RASGEF1A: variants seen among roughly 807,000 people sequenced by gnomAD.
RASGEF1A encodes ras-GEF domain-containing family member 1A.
In RASGEF1A, 18 loss-of-function variants were observed where a neutral mutation model predicts 56.4. That is an observed-to-expected ratio of 0.32 (90% CI 0.22 to 0.47). RASGEF1A has a LOEUF of 0.47. Among genes scored for constraint, RASGEF1A ranks in the 20% least tolerant of loss-of-function variants. The pLI is 1.00. For missense variants in RASGEF1A, 422 were observed against 627.1 expected, an observed-to-expected ratio of 0.67 and a Z score of 3.49; for synonymous variants, 245 against 242.6, an observed-to-expected ratio of 1.01 and a Z score of -0.09.
chr10:43,261,351 C>T (rs931663277), intron 1 of RASGEF1A, among the ~76,000 whole-genome samples: 2 of 152,172 alleles, frequency 1.3e-5, no homozygotes, highest in Non-Finnish European at 2.9e-5. Context: ...GGAAGGGGCA[C>T]GGGGCATAGA....
chr10:43,201,923 G>A lies in RASGEF1A; in HGVS notation c.344C>T (p.Ala115Val), dbSNP rs1021380293. 2 of 1,609,422 alleles carry A rather than the reference G, an allele frequency of 1.2e-6. No homozygotes were observed. Among genetic ancestry groups the A allele is most frequent in the Admixed American group, 3.3e-5 (2 of 59,738 alleles). Reference protein sequence around the residue: ...PEKAKLKSFSAKIVQLLKEWT... With the variant: ...PEKAKLKSFSVKIVQLLKEWT... ...CTCCTTCAGGAGCTGCACGATCTTG[G>A]CTGAGAAAGACTTCAGCTTGGCCTG... Residue 115 changes from alanine to valine, a missense_variant, in exon 4 of 13, where the codon GCC (alanine) becomes GTC (valine). Transcript: ENST00000395810.
intron 1 of RASGEF1A, among the ~76,000 whole-genome samples, chr10:43,225,576 G>GGTGTGTGTGT (rs139307816): frequency 5.5e-5 from 8 of 146,086 alleles, no homozygotes; most frequent in South Asian, 2.2e-4. Context: ...TCTGTGTATG[G>GGTGTGTGTGT]GTGTGTGTGT....
chr10:43,235,308 C>G (rs755779458), intron 1 of RASGEF1A, among the ~76,000 whole-genome samples: 121 of 152,364 alleles, frequency 7.9e-4, no homozygotes, highest in Non-Finnish European at 9.7e-4. Flanking sequence ...GAGTCAGAGC[C>G]TCCACATCTT....
At chr10:43,237,407 C>T (rs1840443746) in intron 1 of RASGEF1A, among the ~76,000 whole-genome samples, 1 of 151,506 alleles carries the variant, frequency 6.6e-6, no homozygotes, top group Admixed American at 6.6e-5. Flanking sequence ...GATCCCTGAC[C>T]CCACTGTTGT....
intron 1 of RASGEF1A, among the ~76,000 whole-genome samples, chr10:43,242,435 C>T (rs969635469): frequency 2.6e-5 from 4 of 152,158 alleles, no homozygotes; most frequent in African/African-American, 9.7e-5. Context: ...AATTCAATAG[C>T]CCCACTTTCA....
Position 43,200,174 on chromosome 10 carries a change from C to T in RASGEF1A, c.756+8G>A. The T allele has an allele frequency of 1.3e-6, 2 of 1,590,272 alleles. No homozygotes were observed. The highest frequency in any genetic ancestry group is 1.7e-5 in the Admixed American group (1 of 57,590). On this transcript the variant is annotated splice_region_variant and intron_variant, in intron 6 of 12. Transcript: ENST00000395810. ...TGGCAGGGGTGCCACAGGCCTTGGC[C>T]CACTTACCCTGTGGTTGTCCAAGGA...
intron 1 of RASGEF1A, chr10:43,206,905 G>A: frequency 1.0e-6 from 1 of 985,654 alleles, no homozygotes; most frequent in Non-Finnish European, 1.2e-6. Context: ...TGTCTGAGCA[G>A]CTGGGCCTCC....
chr10:43,200,614 G>T, intron 5 of RASGEF1A, 53 bp downstream of exon 5: 1 of 1,501,754 alleles, frequency 6.7e-7, no homozygotes, highest in Non-Finnish European at 9.2e-7. Flanking sequence ...GCTGAAAGAG[G>T]CACTGTGGTC....
At chr10:43,236,625 G>A (rs948320108) in intron 1 of RASGEF1A, among the ~76,000 whole-genome samples, 1 of 152,208 alleles carries the variant, frequency 6.6e-6, no homozygotes, top group Non-Finnish European at 1.5e-5. Flanking sequence ...CTTATCAAGT[G>A]CTTCCCAAGT....
intron 1 of RASGEF1A, among the ~76,000 whole-genome samples, chr10:43,258,870 G>A (rs1836476049): frequency 6.6e-6 from 1 of 152,242 alleles, no homozygotes; most frequent in Non-Finnish European, 1.5e-5. Flanking sequence ...TGACCACCAG[G>A]CCCGGGAAGG....
intron 1 of RASGEF1A, among the ~76,000 whole-genome samples, chr10:43,232,793 C>T (rs1211336136): frequency 6.6e-6 from 1 of 152,132 alleles, no homozygotes; most frequent in East Asian, 1.9e-4. Context: ...GGCCAAGGCC[C>T]TTCTTTATAG....
At chr10:43,208,955 T>C in intron 1 of RASGEF1A, 1 of 985,496 alleles carries the variant, frequency 1.0e-6, no homozygotes, top group Non-Finnish European at 1.2e-6. Flanking sequence ...GAAATGGTGA[T>C]GATGACAGCA....
intron 1 of RASGEF1A, among the ~76,000 whole-genome samples, chr10:43,244,053 C>T (rs1226697450): frequency 6.6e-6 from 1 of 152,264 alleles, no homozygotes; most frequent in Non-Finnish European, 1.5e-5. Flanking sequence ...AAAAGTTCTT[C>T]TGCCTTGGGA....
At chr10:43,225,576 G>GATGGGTGTGT (rs1554827209) in intron 1 of RASGEF1A, among the ~76,000 whole-genome samples, 2,040 of 146,162 alleles carry the variant, frequency 0.014, 42 homozygotes, top group African/African-American at 0.048. Context: ...TCTGTGTATG[G>GATGGGTGTGT]GTGTGTGTGT....
At chr10:43,228,026 A>G (rs1385231958) in intron 1 of RASGEF1A, among the ~76,000 whole-genome samples, 1 of 152,038 alleles carries the variant, frequency 6.6e-6, no homozygotes, top group African/African-American at 2.4e-5. Context: ...AGCAGCCAGC[A>G]ATGCCATGGC....
chr10:43,196,992 G>A lies in RASGEF1A; in HGVS notation c.1332C>T (p.Pro444=). 1 of 1,613,652 alleles carries A rather than the reference G, an allele frequency of 6.2e-7. No individual in the cohort carries two copies. Among genetic ancestry groups the A allele is most frequent in the Non-Finnish European group, 8.5e-7 (1 of 1,180,002 alleles). ...KKIQSYLLTA[P]IYSEEALFVA... ...AGCCCTCACCTTCCTCGCTGTAGAT[G>A]GGCGCCGTGAGCAGGTAACTCTGAA... Residue 444 remains proline (P), a synonymous_variant, in exon 11 of 13, where the codon CCC becomes CCT. Coordinates refer to ENST00000395810, the MANE Select transcript of RASGEF1A (RefSeq NM_145313.4). This position sits in a 1 kb window ranked among gnomAD's most constrained non-coding sequence, Gnocchi z 4.6.
intron 1 of RASGEF1A, among the ~76,000 whole-genome samples, chr10:43,260,775 G>A (rs1879306): frequency 0.95 from 144,577 of 152,312 alleles, 69,051 homozygotes; most frequent in East Asian, 1. Flanking sequence ...CTCGACGGCC[G>A]TGATCCACAG....
intron 1 of RASGEF1A, among the ~76,000 whole-genome samples, chr10:43,241,761 CAGA>C (rs1840503891): frequency 6.6e-6 from 1 of 151,724 alleles, no homozygotes; most frequent in Non-Finnish European, 1.5e-5. Flanking sequence ...CAGAGATTAT[CAGA>C]GTTAAAAAAA....
Position 43,258,132 on chromosome 10 carries a change from C to T in RASGEF1A, c.-7+8713G>A, listed in dbSNP as rs552996566. Reference sequence around the variant, plus strand: ...GGCTCACAGCTTCGGGGAGGGGTACCCTCATGGAGGTCTGCCTGCTGGAGC... The same window carrying T: ...GGCTCACAGCTTCGGGGAGGGGTACTCTCATGGAGGTCTGCCTGCTGGAGC... On this transcript the variant is annotated intron_variant, in intron 1 of 12. Coordinates refer to ENST00000395810, the MANE Select transcript of RASGEF1A (RefSeq NM_145313.4). Among the ~76,000 whole-genome samples the T allele has an allele frequency of 2.6e-5, 4 of 152,378 alleles. No individual in the cohort carries two copies. The East Asian group carries it at 7.7e-4, about 29-fold the overall frequency.
Sources: gnomAD v4.1 joint callset for allele counts (sites outside exome capture counted in the v4.1 genomes callset) on GRCh38, gnomAD v4.1.1 for gene constraint, Gnocchi (gnomAD v3.1) non-coding constraint, MANE v1.5 for transcripts, NCBI Gene and HGNC (gene_info 2026-07-23, HGNC 2026-07-21) for gene names.